Variants in DPP10 observed in about 807,000 individuals in gnomAD.
DPP10 encodes inactive dipeptidyl peptidase 10.
Under a neutral mutation model 120.9 loss-of-function variants are expected in DPP10, and 33 were observed. The ratio of observed to expected loss-of-function variants is 0.27; its 90% CI spans 0.21 to 0.37. DPP10 has a LOEUF of 0.37. Ranked by LOEUF, DPP10 falls within the 10% of genes least tolerant of loss-of-function variation. The pLI, the probability that DPP10 is intolerant of heterozygous loss-of-function variation, is 1.00. For missense variants in DPP10, 816 were observed against 942.8 expected (o/e 0.87, Z 1.76); for synonymous variants, 337 against 326.1 (o/e 1.03, Z -0.36).
chr2:114,969,208 C>T (rs1699235134), intron 1 of DPP10, among the ~76,000 whole-genome samples: 1 of 152,112 alleles, frequency 6.6e-6, no homozygotes, highest in Admixed American at 6.5e-5. Context: ...ATAATGCAGA[C>T]TCATATTACT....
At chr2:114,837,128 G>T (rs1687803918) in intron 1 of DPP10, among the ~76,000 whole-genome samples, 1 of 152,266 alleles carries the variant, frequency 6.6e-6, no homozygotes, top group Admixed American at 6.5e-5. Context: ...AGGATTAAGA[G>T]ATTAAAGTAA....
chr2:115,530,242 A>G (rs2078379487), intron 5 of DPP10, among the ~76,000 whole-genome samples: 1 of 152,020 alleles, frequency 6.6e-6, no homozygotes, highest in Non-Finnish European at 1.5e-5. Flanking sequence ...TATAGGGTGT[A>G]TTTGTGGGTA....
intron 3 of DPP10, chr2:115,468,585 C>A: frequency 2.5e-6 from 1 of 394,202 alleles, no homozygotes; most frequent in Non-Finnish European, 4.9e-6. Flanking sequence ...GATGGTGGCC[C>A]GGGGAGTTCT....
chr2:114,701,562 G>A (rs1700384230), intron 1 of DPP10, among the ~76,000 whole-genome samples: 1 of 152,022 alleles, frequency 6.6e-6, no homozygotes, highest in Admixed American at 6.6e-5. Context: ...TTAAAGGTGG[G>A]GAAACTGAGT....
chr2:115,365,218 G>A (rs181430423), intron 3 of DPP10, among the ~76,000 whole-genome samples: 1 of 152,190 alleles, frequency 6.6e-6, no homozygotes, highest in Non-Finnish European at 1.5e-5. Flanking sequence ...CCAGTAGGCT[G>A]ATGGAGGTAC....
chr2:115,785,376 C>G (rs1308632102), intron 17 of DPP10, among the ~76,000 whole-genome samples: 1 of 152,116 alleles, frequency 6.6e-6, no homozygotes, highest in Non-Finnish European at 1.5e-5. Flanking sequence ...GAATCCCTTC[C>G]CCTTGATTTT....
chr2:115,357,452 C>T (rs2064468293), intron 3 of DPP10, among the ~76,000 whole-genome samples: 1 of 152,236 alleles, frequency 6.6e-6, no homozygotes, highest in African/African-American at 2.4e-5. Flanking sequence ...ATCCAGGTAA[C>T]ACTGATGCAA....
At position 114,671,272 on chromosome 2, in the gene DPP10, G is replaced by A. The variant is rs571086474; in HGVS notation, c.60+228434G>A. 4.6e-5 allele frequency among the ~76,000 whole-genome samples: 7 copies of A among 152,264 alleles called. No individual in the cohort carries two copies. The East Asian group carries it at 5.8e-4, about 13-fold the overall frequency. On this transcript the variant is annotated intron_variant, in intron 1 of 25. Transcript: ENST00000410059. ...GTACGTTCTATGAAGTTTGCACGAT[G>A]TCTAAATTGCCTAAAGATGCATTCC...
At chr2:114,628,834 T>C (rs886687981) in intron 1 of DPP10, among the ~76,000 whole-genome samples, 3 of 152,180 alleles carry the variant, frequency 2.0e-5, no homozygotes, top group Admixed American at 2.0e-4. Context: ...GTGCAGTCCT[T>C]GTTTAATACC....
At chr2:115,777,486 T>C (rs949942184) in intron 14 of DPP10, among the ~76,000 whole-genome samples, 187 bp downstream of exon 14, 10 of 151,884 alleles carry the variant, frequency 6.6e-5, no homozygotes, top group African/African-American at 1.5e-4. Context: ...GATGTGTGTG[T>C]GCACACGCAC....
At chr2:115,584,049 A>C (rs1470795649) in intron 5 of DPP10, among the ~76,000 whole-genome samples, 1 of 152,152 alleles carries the variant, frequency 6.6e-6, no homozygotes, top group Non-Finnish European at 1.5e-5. Flanking sequence ...CTAGCAAACA[A>C]CGCCCGCCAT....
intron 1 of DPP10, among the ~76,000 whole-genome samples, chr2:114,968,452 T>A (rs1190337381): frequency 6.6e-6 from 1 of 152,224 alleles, no homozygotes; most frequent in East Asian, 1.9e-4. Context: ...ATGGTAAGTA[T>A]ATTTTTCTTT....
chr2:114,594,642 G>A (rs535013812), intron 1 of DPP10, among the ~76,000 whole-genome samples: 2 of 149,950 alleles, frequency 1.3e-5, no homozygotes, highest in East Asian at 3.9e-4. Context: ...TATCCTCTTG[G>A]GGAGAGGTCA....
At chr2:114,572,263 G>A (rs1402296136) in intron 1 of DPP10, among the ~76,000 whole-genome samples, 2 of 152,078 alleles carry the variant, frequency 1.3e-5, no homozygotes, top group African/African-American at 2.4e-5. Context: ...TAAATACTTT[G>A]AATTGATCTA....
chr2:115,078,391 A>G (rs1457187357), intron 1 of DPP10, among the ~76,000 whole-genome samples: 2 of 152,230 alleles, frequency 1.3e-5, no homozygotes, highest in African/African-American at 4.8e-5. Context: ...AAAAAGATTA[A>G]GACTAATTTT....
At chr2:114,676,618 A>T (rs986012084) in intron 1 of DPP10, among the ~76,000 whole-genome samples, 5 of 152,126 alleles carry the variant, frequency 3.3e-5, no homozygotes, top group African/African-American at 1.2e-4. Flanking sequence ...AGATCGCTGT[A>T]TGTCAGATTC....
Position 115,722,621 on chromosome 2 carries a change from C to T in DPP10, c.577-5195C>T, listed in dbSNP as rs569601721. Among the ~76,000 whole-genome samples the T allele has an allele frequency of 5.9e-5, 9 of 152,060 alleles. No homozygotes were observed. In the East Asian group the frequency reaches 1.2e-3, roughly 20 times the overall value. On this transcript the variant is annotated intron_variant, in intron 7 of 25. Transcript: ENST00000410059. ...AATATTGTGGGCAACTGCAACACAA[C>T]GGTATGTATCTTTGTATCAAACATA...
intron 1 of DPP10, among the ~76,000 whole-genome samples, chr2:115,240,789 C>T (rs1165355189): frequency 6.6e-6 from 1 of 152,164 alleles, no homozygotes; most frequent in Non-Finnish European, 1.5e-5. Flanking sequence ...ATTTTCACAA[C>T]AATCTTGTAA....
At chr2:114,877,327 T>C (rs1045266374) in intron 1 of DPP10, among the ~76,000 whole-genome samples, 14 of 152,118 alleles carry the variant, frequency 9.2e-5, no homozygotes, top group Admixed American at 6.6e-5. Context: ...TAGTAAGTAG[T>C]TGGCTAACAC....
Sources: gnomAD v4.1 joint callset for allele counts (sites outside exome capture counted in the v4.1 genomes callset) on GRCh38, gnomAD v4.1.1 for gene constraint, MANE v1.5 for transcripts, NCBI Gene and HGNC (gene_info 2026-07-23, HGNC 2026-07-21) for gene names.